The following SRCIN1 variants were observed in gnomAD, a reference collection of about 807,000 sequenced individuals.
The protein encoded by SRCIN1 is SRC kinase signaling inhibitor 1, also known as P130Cas-associated protein.
SRCIN1 carries 50 observed loss-of-function variants against 116.2 expected under a neutral mutation model. The observed-to-expected ratio is 0.43, with a 90% CI of 0.34 to 0.54. The LOEUF (loss-of-function observed/expected upper bound fraction) is 0.54. SRCIN1 is among the 20% of genes least tolerant of loss of function. The pLI, the probability that SRCIN1 is intolerant of heterozygous loss-of-function variation, is 0.02. For missense variants in SRCIN1, 1,446 were observed against 1,672.0 expected, an observed-to-expected ratio of 0.86 and a Z score of 2.36; for synonymous variants, 736 against 750.0, an observed-to-expected ratio of 0.98 and a Z score of 0.30.
rs959663892 is a variant in SRCIN1 at position 38,585,269 on chromosome 17, A to C, written c.23-6478T>G. ...TGCCTGCCTTAGGCCACACCCACACACACACACAAACACACAGCATGAGGC... is the reference window on the plus strand; with the variant it reads ...TGCCTGCCTTAGGCCACACCCACACCCACACACAAACACACAGCATGAGGC... On this transcript the variant is annotated intron_variant, in intron 1 of 18. Coordinates refer to ENST00000617146, the MANE Select transcript of SRCIN1 (RefSeq NM_025248.3). This position sits in a 1 kb window ranked among gnomAD's most constrained non-coding sequence, Gnocchi z 4.2. 5.9e-5 allele frequency among the ~76,000 whole-genome samples: 9 copies of C among 152,276 alleles called. No individual in the cohort carries two copies. The highest frequency in any genetic ancestry group is 3.4e-3 in the Middle Eastern group (1 of 294).
chr17:38,582,021 G>A (rs771336163), intron 1 of SRCIN1, among the ~76,000 whole-genome samples: 1 of 152,172 alleles, frequency 6.6e-6, no homozygotes, highest in Non-Finnish European at 1.5e-5. Context: ...GGATTCTGCC[G>A]TGGCCTTGCT....
At chr17:38,591,674 C>G (rs1240453128) in intron 1 of SRCIN1, among the ~76,000 whole-genome samples, 1 of 152,236 alleles carries the variant, frequency 6.6e-6, no homozygotes, top group Non-Finnish European at 1.5e-5. Flanking sequence ...CAGGCCTCCC[C>G]CAGCCTCAGA....
chr17:38,573,427 G>A (rs1355856004), intron 2 of SRCIN1, among the ~76,000 whole-genome samples: 1 of 152,184 alleles, frequency 6.6e-6, no homozygotes, highest in African/African-American at 2.4e-5. Flanking sequence ...TTAGGGGCAG[G>A]GAGTGTGATA....
At chr17:38,534,882 CT>C (rs1257041112) in intron 18 of SRCIN1, among the ~76,000 whole-genome samples, 1 of 152,148 alleles carries the variant, frequency 6.6e-6, no homozygotes, top group Non-Finnish European at 1.5e-5. Flanking sequence ...AATCCCAGCA[CT>C]TCAGGAGGCT....
intron 1 of SRCIN1, among the ~76,000 whole-genome samples, chr17:38,595,147 C>T (rs1265922223): frequency 6.7e-6 from 1 of 150,088 alleles, no homozygotes; most frequent in East Asian, 1.9e-4. Flanking sequence ...AGGAACCTAT[C>T]TGCCTTGGTT....
At chr17:38,550,702 G>T (rs1055770278) in intron 15 of SRCIN1, among the ~76,000 whole-genome samples, 3 of 152,176 alleles carry the variant, frequency 2.0e-5, no homozygotes, top group Admixed American at 1.3e-4. Flanking sequence ...TAACCAATAT[G>T]CATTGCAGGA....
At chr17:38,590,882 C>T (rs1047110274) in intron 1 of SRCIN1, among the ~76,000 whole-genome samples, 5 of 152,226 alleles carry the variant, frequency 3.3e-5, no homozygotes, top group Non-Finnish European at 5.9e-5. Flanking sequence ...GTCCTTCCTA[C>T]ACCCTAAGAA....
intron 18 of SRCIN1, among the ~76,000 whole-genome samples, chr17:38,533,756 G>T (rs1280361194): frequency 6.8e-6 from 1 of 146,428 alleles, no homozygotes; most frequent in African/African-American, 2.5e-5. Flanking sequence ...ATGGGGAGGT[G>T]GGGGTGGGGG....
At chr17:38,557,788 T>C (rs979007375) in intron 11 of SRCIN1, among the ~76,000 whole-genome samples, 17 of 152,134 alleles carry the variant, frequency 1.1e-4, no homozygotes, top group African/African-American at 3.9e-4. Context: ...GGGAATCGGA[T>C]CTCCAATGAT....
intron 18 of SRCIN1, among the ~76,000 whole-genome samples, chr17:38,543,504 A>G (rs535353819): frequency 1.3e-5 from 2 of 152,284 alleles, no homozygotes; most frequent in African/African-American, 4.8e-5. Context: ...TGGAGTCACA[A>G]ACTCGCTCGC....
chr17:38,582,319 G>A (rs980378121), intron 1 of SRCIN1, among the ~76,000 whole-genome samples: 1 of 152,206 alleles, frequency 6.6e-6, no homozygotes, highest in Non-Finnish European at 1.5e-5. Flanking sequence ...TGGTGACTGT[G>A]GAGTGGGAGG....
Position 38,560,054 on chromosome 17 carries a change from G to A in SRCIN1, c.1837C>T (p.Pro613Ser), listed in dbSNP as rs1219450413. The A allele has an allele frequency of 1.3e-6, 2 of 1,557,632 alleles. No homozygotes were observed. The highest frequency in any genetic ancestry group is 2.4e-5 in the East Asian group (1 of 41,556). Reference sequence around the variant, plus strand: ...ATGGGGGAGGGGGAGGTTCACTCACGTGCTGAGGGGGTGGCTGCTCCATTG... The same window carrying A: ...ATGGGGGAGGGGGAGGTTCACTCACATGCTGAGGGGGTGGCTGCTCCATTG... ...GSNGAATPSA[P>S]CGSGGRSSGA... The change falls in exon 9 of 19, where the codon CCC (proline) becomes TCC (serine). Residue 613 changes from proline to serine, a missense_variant and splice_region_variant. Pro to Ser is a moderately conservative substitution (Grantham distance 74). Coordinates refer to ENST00000617146, the MANE Select transcript of SRCIN1 (RefSeq NM_025248.3).
chr17:38,592,045 C>T (rs557112760), intron 1 of SRCIN1, among the ~76,000 whole-genome samples: 25 of 152,346 alleles, frequency 1.6e-4, no homozygotes, highest in Admixed American at 1.4e-3. Context: ...AGTGCTTCCT[C>T]CTTGCTAACC....
At position 38,552,612 on chromosome 17, in the gene SRCIN1, C is replaced by T; in HGVS notation, c.2333-18G>A. 1.2e-6 allele frequency: 2 copies of T among 1,612,640 alleles called. No individual in the cohort carries two copies. The highest frequency in any genetic ancestry group is 2.7e-5 in the African/African-American group (2 of 75,036). On this transcript the variant is annotated intron_variant, in intron 12 of 18. Coordinates refer to ENST00000617146, the MANE Select transcript of SRCIN1 (RefSeq NM_025248.3). The surrounding 1 kb of genome is among the most constrained non-coding windows in gnomAD (Gnocchi z 5.3). Reference sequence around the variant, plus strand: ...GAAGTGAGCTGAGGAGACAGGAAGGCATGAGCTGGGGCCAGAGGGAGCACC... The same window carrying T: ...GAAGTGAGCTGAGGAGACAGGAAGGTATGAGCTGGGGCCAGAGGGAGCACC...
chr17:38,543,931 A>G lies in SRCIN1; in HGVS notation c.3309T>C (p.Thr1103=). 6.3e-7 allele frequency: 1 copy of G among 1,597,726 alleles called. No homozygotes were observed. The highest frequency in any genetic ancestry group is 8.5e-7 in the Non-Finnish European group (1 of 1,176,688). Residue 1103 remains threonine (T), a synonymous_variant, in exon 18 of 19, where the codon ACT becomes ACC. Coordinates refer to ENST00000617146, the MANE Select transcript of SRCIN1 (RefSeq NM_025248.3). ...GGSVPPMKVV[T]PGASRLKAAQ... Reference sequence around the variant, plus strand: ...CCGCCTTCAGCCGAGAGGCCCCCGGAGTCACCACCTTCATGGGTGGTACAC... The same window carrying G: ...CCGCCTTCAGCCGAGAGGCCCCCGGGGTCACCACCTTCATGGGTGGTACAC...
chr17:38,544,074 G>A lies in SRCIN1; in HGVS notation c.3271-105C>T, dbSNP rs1028741237. On this transcript the variant is annotated intron_variant, in intron 17 of 18. Transcript: ENST00000617146. This position sits in a 1 kb window ranked among gnomAD's most constrained non-coding sequence, Gnocchi z 4.5. ...CTCGGGGCTGGGACCTCCTCAGTGG[G>A]GCCCTTTGAGACCTGGAGACCCCTC... 3 of 1,365,898 alleles carry A rather than the reference G, an allele frequency of 2.2e-6. No individual in the cohort carries two copies. Among genetic ancestry groups the A allele is most frequent in the African/African-American group, 1.5e-5 (1 of 68,428 alleles). The allele number at this position is 1,365,898 out of a possible 1,614,324, so 84.6% of individuals were successfully genotyped here.
rs2143110455 is a variant in SRCIN1 at position 38,552,614 on chromosome 17, T to C, written c.2333-20A>G. ...AGTGAGCTGAGGAGACAGGAAGGCA[T>C]GAGCTGGGGCCAGAGGGAGCACCAC... is the stretch of plus-strand genomic sequence containing the variant. On this transcript the variant is annotated intron_variant, in intron 12 of 18. Transcript: ENST00000617146. The surrounding 1 kb of genome is among the most constrained non-coding windows in gnomAD (Gnocchi z 5.3). 2 of 1,612,800 alleles carry C rather than the reference T, an allele frequency of 1.2e-6. No individual in the cohort carries two copies. The highest frequency in any genetic ancestry group is 2.2e-5 in the East Asian group (1 of 44,858).
chr17:38,552,849 C>T lies in SRCIN1; in HGVS notation c.2208G>A (p.Leu736=). The T allele has an allele frequency of 1.2e-6, 2 of 1,613,766 alleles. No homozygotes were observed. Among genetic ancestry groups the T allele is most frequent in the East Asian group, 2.2e-5 (1 of 44,880 alleles). ...EELITQQLND[L]EKSVEKIQRD... ...TCTGGATCTTCTCCACCGATTTCTC[C>T]AGGTCACTGCAGCCACAGAGAGACC... The change falls in exon 12 of 19, where the codon CTG becomes CTA. Residue 736 remains leucine, a synonymous_variant. Transcript: ENST00000617146. This position sits in a 1 kb window ranked among gnomAD's most constrained non-coding sequence, Gnocchi z 5.3.
At position 38,549,078 on chromosome 17, in the gene SRCIN1, T is replaced by C. The variant is rs776907284; in HGVS notation, c.3095A>G (p.Lys1032Arg). The C allele has an allele frequency of 2.5e-6, 4 of 1,613,328 alleles. No homozygotes were observed. The South Asian group carries it at 3.3e-5, about 13-fold the overall frequency. ...TACCTTGATGAAGGCCGAGTCCTTC[T>C]TGCTGGTGACCACCACCTCTCCGGT... ...TRTGEVVVTS[K>R]KDSAFIKKAE... Residue 1032 changes from lysine (K) to arginine (R), a missense_variant, in exon 16 of 19, where the codon AAG (lysine) becomes AGG (arginine). This residue lies in a region of SRCIN1 where 531 missense variants were observed against 633.9 expected (regional missense o/e 0.84). Transcript: ENST00000617146.
Sources: gnomAD v4.1 joint callset for allele counts (sites outside exome capture counted in the v4.1 genomes callset) on GRCh38, gnomAD v4.1.1 for gene constraint, gnomAD v4.1.1 regional missense constraint, Gnocchi (gnomAD v3.1) non-coding constraint, MANE v1.5 for transcripts, NCBI Gene and HGNC (gene_info 2026-07-23, HGNC 2026-07-21) for gene names.